RNF103: variants seen among roughly 807,000 people sequenced by gnomAD.
The protein encoded by RNF103 is E3 ubiquitin-protein ligase RNF103.
RNF103 carries 23 observed loss-of-function variants against 66.2 expected under a neutral mutation model. The ratio of observed to expected loss-of-function variants is 0.35; its 90% CI spans 0.25 to 0.49. RNF103 has a LOEUF of 0.49. RNF103 is among the 20% of genes least tolerant of loss of function. The pLI is 0.98. For synonymous variants in RNF103, 297 were observed against 289.9 expected (o/e 1.02, Z -0.25); for missense variants, 730 against 814.7 (o/e 0.90, Z 1.27).
chr2:86,608,315 T>G (rs1678651183), intron 3 of RNF103, among the ~76,000 whole-genome samples: 1 of 151,826 alleles, frequency 6.6e-6, no homozygotes, highest in Admixed American at 6.6e-5. Context: ...GGTGAAACGC[T>G]GTCTCTACTG....
Position 86,623,609 on chromosome 2 carries a change from C to T in RNF103, c.-723G>A. ...GCGCCTCTCAGGCGGGCGGGCACTG[C>T]GGCCCGGCCCAGGATGGGGCGTCGC... On this transcript the variant is annotated 5_prime_UTR_variant, in exon 1 of 4. Transcript: ENST00000237455. 6 of 1,036,446 alleles carry T rather than the reference C, an allele frequency of 5.8e-6. No individual in the cohort carries two copies. The highest frequency in any genetic ancestry group is 7.0e-6 in the Non-Finnish European group (6 of 857,582). 64.2% of individuals were successfully genotyped at this position (1,036,446 alleles called of 1,614,324 possible). A position where few individuals can be genotyped will look rare whatever the true frequency, so the allele number is the denominator to read the frequency against.
intron 2 of RNF103, chr2:86,617,983 C>T (rs1679089313): frequency 2.1e-6 from 1 of 486,874 alleles, no homozygotes; most frequent in African/African-American, 2.0e-5. Context: ...ACAAGCCAGA[C>T]AGTGGTGGTC....
intron 2 of RNF103, chr2:86,617,499 C>T (rs959072262): frequency 6.7e-5 from 30 of 450,044 alleles, no homozygotes; most frequent in South Asian, 9.4e-5. Flanking sequence ...CTAACTTACA[C>T]ATTAAACTTT....
Position 86,623,846 on chromosome 2 carries a change from G to A in RNF103, c.-960C>T, listed in dbSNP as rs1300176065. On this transcript the variant is annotated 5_prime_UTR_variant, in exon 1 of 4. Transcript: ENST00000237455. ...ACAACCGTGTATCAGCGGCGGCCGC[G>A]GCCGGAGCCGAGACATAACAACTGA... The A allele has an allele frequency of 1.1e-5, 14 of 1,287,884 alleles. No homozygotes were observed. Among genetic ancestry groups the A allele is most frequent in the South Asian group, 2.5e-5 (2 of 80,864 alleles). The allele number at this position is 1,287,884 out of a possible 1,614,324, so 79.8% of individuals were successfully genotyped here.
chr2:86,606,237 C>T (rs989790243), intron 3 of RNF103, among the ~76,000 whole-genome samples: 1 of 152,176 alleles, frequency 6.6e-6, no homozygotes, highest in African/African-American at 2.4e-5. Context: ...AAAATTAAAT[C>T]ATTCATTTAG....
chr2:86,615,012 T>C (rs904597973), intron 2 of RNF103: 1 of 985,300 alleles, frequency 1.0e-6, no homozygotes, highest in Non-Finnish European at 1.2e-6. Flanking sequence ...AGTGAAGATC[T>C]TGTTCACTGC....
At chr2:86,621,770 C>T (rs4341929) in intron 1 of RNF103, among the ~76,000 whole-genome samples, 7,242 of 152,274 alleles carry the variant, frequency 0.048, 586 homozygotes, top group African/African-American at 0.17. Context: ...CTGCTTCCCA[C>T]AGCAACGCAG....
chr2:86,611,316 C>T (rs1270840123), intron 3 of RNF103, among the ~76,000 whole-genome samples: 1 of 152,116 alleles, frequency 6.6e-6, no homozygotes, highest in African/African-American at 2.4e-5. Context: ...AGGAACTCTA[C>T]CATCCATCTC....
intron 2 of RNF103, chr2:86,617,540 T>TA (rs145125674): frequency 0.031 from 19,841 of 634,040 alleles, 622 homozygotes; most frequent in African/African-American, 0.12. Flanking sequence ...GGAAAAAACA[T>TA]AGACTATATA....
At chr2:86,614,764 T>C (rs1340938864) in intron 2 of RNF103, 29 of 974,092 alleles carry the variant, frequency 3.0e-5, no homozygotes, top group Non-Finnish European at 9.8e-6. Flanking sequence ...CAAGTTTAAC[T>C]TATTTTTCAG....
chr2:86,606,449 A>G (rs147683375), intron 3 of RNF103, among the ~76,000 whole-genome samples: 7,368 of 152,086 alleles, frequency 0.048, 568 homozygotes, highest in African/African-American at 0.17. Flanking sequence ...CAGATCACAA[A>G]GTCAGGAGAT....
Position 86,603,847 on chromosome 2 carries a change from G to T in RNF103, c.2054C>A (p.Ser685Tyr), listed in dbSNP as rs1440024658. The change falls in exon 4 of 4, where the codon TCT becomes TAT. Residue 685 changes from serine (S) to tyrosine (Y), a missense_variant. Coordinates refer to ENST00000237455, the MANE Select transcript of RNF103 (RefSeq NM_005667.4). ...TAAAGGACAAATTGCACATGGTTAA[G>T]ATGGGACATCATTTGACAAGGGCTG... ...QHQPLSNDVPS is the reference protein window; with the variant it reads ...QHQPLSNDVPY The T allele has an allele frequency of 6.2e-7, 1 of 1,609,938 alleles. No homozygotes were observed. Among genetic ancestry groups the T allele is most frequent in the Admixed American group, 1.7e-5 (1 of 59,128 alleles).
chr2:86,604,499 G>A lies in RNF103; in HGVS notation c.1402C>T (p.His468Tyr). ...LWDWYTSYLF[H>Y]PIASFQNFPV... is the part of the protein sequence containing the mutation. The stretch of plus-strand genomic sequence containing the variant: ...AAGTTCTGAAAAGAAGCAATCGGGT[G>A]GAAGAGGTAGCTGGTGTACCAGTCC... Residue 468 changes from histidine to tyrosine, a missense_variant, in exon 4 of 4, where the codon CAC (histidine) becomes TAC (tyrosine). By Grantham distance (83) the His-to-Tyr change is moderately conservative. This residue lies in a region of RNF103 where 355 missense variants were observed against 351.9 expected (regional missense o/e 1.01). Coordinates refer to ENST00000237455, the MANE Select transcript of RNF103 (RefSeq NM_005667.4). 1.2e-6 allele frequency: 2 copies of A among 1,614,234 alleles called. No homozygotes were observed. Among genetic ancestry groups the A allele is most frequent in the South Asian group, 1.1e-5 (1 of 91,082 alleles).
At position 86,623,794 on chromosome 2, in the gene RNF103, C is replaced by T; in HGVS notation, c.-908G>A. ...GCACCCGTCCCCAACACCCCCGCCA[C>T]CTCCGGAGACCGCGGCCGTACCCTC... On this transcript the variant is annotated 5_prime_UTR_variant, in exon 1 of 4. It adds an upstream start codon to the 5' untranslated region. Coordinates refer to ENST00000237455, the MANE Select transcript of RNF103 (RefSeq NM_005667.4). The T allele has an allele frequency of 7.8e-7, 1 of 1,282,788 alleles. No individual in the cohort carries two copies. The highest frequency in any genetic ancestry group is 1.0e-6 in the Non-Finnish European group (1 of 986,428). The allele number at this position is 1,282,788 out of a possible 1,614,324, so 79.5% of individuals were successfully genotyped here. A position where few individuals can be genotyped will look rare whatever the true frequency, so the allele number is the denominator to read the frequency against.
At position 86,604,487 on chromosome 2, in the gene RNF103, A is replaced by C. The variant is rs775028819; in HGVS notation, c.1414T>G (p.Ser472Ala). 10 of 1,614,116 alleles carry C rather than the reference A, an allele frequency of 6.2e-6. No individual in the cohort carries two copies. The highest frequency in any genetic ancestry group is 1.6e-4 in the Middle Eastern group (1 of 6,084). The change falls in exon 4 of 4, where the codon TCT (serine) becomes GCT (alanine). Residue 472 changes from serine to alanine, a missense_variant. Ser to Ala is a moderately conservative substitution (Grantham distance 99, BLOSUM62 1). This residue lies in a region of RNF103 where 355 missense variants were observed against 351.9 expected (regional missense o/e 1.01). Transcript: ENST00000237455. ...YTSYLFHPIA[S>A]FQNFPVESDW... Reference sequence around the variant, plus strand: ...GATTCTACAGGAAAGTTCTGAAAAGAAGCAATCGGGTGGAAGAGGTAGCTG... The same window carrying C: ...GATTCTACAGGAAAGTTCTGAAAAGCAGCAATCGGGTGGAAGAGGTAGCTG...
In RNF103 at chr2:86,612,233, G is replaced by A. The variant is rs1205554616; in HGVS notation, c.408C>T (p.His136=). ...NDRSPLVGKI[H]WEKMVKKVSR... Reference sequence around the variant, plus strand: ...ACACCTTTTTAACCATTTTCTCCCAGTGAATTTTGCCCACCAAGGGACTTC... The same window carrying A: ...ACACCTTTTTAACCATTTTCTCCCAATGAATTTTGCCCACCAAGGGACTTC... The change falls in exon 3 of 4, where the codon CAC becomes CAT. Residue 136 remains histidine (H), a synonymous_variant. Coordinates refer to ENST00000237455, the MANE Select transcript of RNF103 (RefSeq NM_005667.4). 3.1e-6 allele frequency: 5 copies of A among 1,613,438 alleles called. No individual in the cohort carries two copies. In the African/African-American group the frequency reaches 6.7e-5, roughly 22 times the overall value.
Position 86,605,157 on chromosome 2 carries a change from A to G in RNF103, c.744T>C (p.Ala248=). The G allele has an allele frequency of 6.2e-7, 1 of 1,613,852 alleles. No individual in the cohort carries two copies. ...YLFANLDQPP[A]FFSALSIKFT... The stretch of plus-strand genomic sequence containing the variant: ...ACTTTATACTTAGTGCAGAGAAGAA[A>G]GCTGGGGGCTGGTCAAGGTTTGCAA... The change falls in exon 4 of 4, where the codon GCT becomes GCC. Residue 248 remains alanine (A), a synonymous_variant. Coordinates refer to ENST00000237455, the MANE Select transcript of RNF103 (RefSeq NM_005667.4).
At chr2:86,605,500 C>A in intron 3 of RNF103, 82 bp from the exon 4 acceptor site, 6 of 1,394,888 alleles carry the variant, frequency 4.3e-6, no homozygotes, top group Non-Finnish European at 5.7e-6. Flanking sequence ...TTTAGCACCT[C>A]ACCCCAAAGC....
rs1422704181 is a variant in RNF103 at position 86,603,778 on chromosome 2, G to A, written c.*65C>T. 2 of 1,529,802 alleles carry A rather than the reference G, an allele frequency of 1.3e-6. No individual in the cohort carries two copies. Among genetic ancestry groups the A allele is most frequent in the Non-Finnish European group, 1.8e-6 (2 of 1,141,404 alleles). The allele number at this position is 1,529,802 out of a possible 1,614,324, so 94.8% of individuals were successfully genotyped here. A position where few individuals can be genotyped will look rare whatever the true frequency, so the allele number is the denominator to read the frequency against. On this transcript the variant is annotated 3_prime_UTR_variant, in exon 4 of 4. Transcript: ENST00000237455. ...CTAAACTTCAAACCACAAAAACATTGTGACTAACATTAAAAAGGCAAGCTG... is the reference window on the plus strand; with the variant it reads ...CTAAACTTCAAACCACAAAAACATTATGACTAACATTAAAAAGGCAAGCTG...
Sources: gnomAD v4.1 joint callset for allele counts (sites outside exome capture counted in the v4.1 genomes callset) on GRCh38, gnomAD v4.1.1 for gene constraint, gnomAD v4.1.1 regional missense constraint, MANE v1.5 for transcripts, NCBI Gene and HGNC (gene_info 2026-07-23, HGNC 2026-07-21) for gene names.